The following NLGN1 variants were observed in gnomAD, a reference collection of about 807,000 sequenced individuals.
The protein encoded by NLGN1 is neuroligin-1.
Under a neutral mutation model 65.5 loss-of-function variants are expected in NLGN1, and 12 were observed. That is an observed-to-expected ratio of 0.18 (90% CI 0.12 to 0.30). The LOEUF (loss-of-function observed/expected upper bound fraction) is 0.30. NLGN1 is among the 10% of genes least tolerant of loss of function. The pLI, the probability that NLGN1 is intolerant of heterozygous loss-of-function variation, is 1.00. For synonymous variants in NLGN1, 350 were observed against 359.5 expected (o/e 0.97, Z 0.30); for missense variants, 750 against 1,007.1 (o/e 0.74, Z 3.46).
At chr3:173,562,746 A>T (rs1224863109) in intron 2 of NLGN1, among the ~76,000 whole-genome samples, 2 of 152,150 alleles carry the variant, frequency 1.3e-5, no homozygotes. Context: ...TCTGAAGTTC[A>T]ATTACTGGGT....
At chr3:173,873,270 G>C (rs1731514082) in intron 4 of NLGN1, among the ~76,000 whole-genome samples, 1 of 151,908 alleles carries the variant, frequency 6.6e-6, no homozygotes, top group Non-Finnish European at 1.5e-5. Flanking sequence ...TGTATTTTTA[G>C]TAGAGGTCGG....
intron 3 of NLGN1, among the ~76,000 whole-genome samples, chr3:173,626,650 T>C (rs954039245): frequency 3.9e-5 from 6 of 152,132 alleles, no homozygotes; most frequent in East Asian, 1.9e-4. Context: ...TAGTGTTTAC[T>C]ATATTTTTTC....
At chr3:173,521,911 A>T (rs1577085147) in intron 2 of NLGN1, among the ~76,000 whole-genome samples, 1 of 152,180 alleles carries the variant, frequency 6.6e-6, no homozygotes. Context: ...TTGTTTTTCA[A>T]TACATTCTAT....
At chr3:174,049,703 C>G (rs1447918709) in intron 4 of NLGN1, among the ~76,000 whole-genome samples, 8 of 152,052 alleles carry the variant, frequency 5.3e-5, no homozygotes, top group Non-Finnish European at 2.9e-5. Context: ...CCAAAGTAAT[C>G]TAAAGTGCTT....
chr3:173,941,640 A>T (rs1291454360), intron 4 of NLGN1, among the ~76,000 whole-genome samples: 8 of 151,998 alleles, frequency 5.3e-5, no homozygotes, highest in Admixed American at 3.9e-4. Context: ...AGATAGGTGG[A>T]TGGAGACTGA....
At chr3:173,402,987 C>T (rs923147104) in intron 1 of NLGN1, among the ~76,000 whole-genome samples, 1 of 152,062 alleles carries the variant, frequency 6.6e-6, no homozygotes, top group Non-Finnish European at 1.5e-5. Flanking sequence ...ATCTAGGGCT[C>T]CTAACAGGGA....
chr3:174,269,978 A>T (rs2152875751), intron 4 of NLGN1, among the ~76,000 whole-genome samples: 1 of 151,880 alleles, frequency 6.6e-6, no homozygotes, highest in African/African-American at 2.4e-5. Context: ...TCTTTGAAGA[A>T]ATATCTATTT....
intron 4 of NLGN1, among the ~76,000 whole-genome samples, chr3:174,060,034 C>T (rs1478535413): frequency 1.3e-5 from 2 of 152,052 alleles, no homozygotes; most frequent in Non-Finnish European, 2.9e-5. Flanking sequence ...CGTCACTTAA[C>T]TTTTCTAAGG....
intron 4 of NLGN1, among the ~76,000 whole-genome samples, chr3:174,094,412 G>C (rs1745078457): frequency 6.6e-6 from 1 of 151,668 alleles, no homozygotes; most frequent in South Asian, 2.1e-4. Flanking sequence ...AAATGGCTTT[G>C]AATGTGGCTC....
At chr3:173,519,948 GGTGGGACCTGGTAGAAT>G (rs1308660073) in intron 2 of NLGN1, among the ~76,000 whole-genome samples, 1 of 152,140 alleles carries the variant, frequency 6.6e-6, no homozygotes, top group Non-Finnish European at 1.5e-5. Flanking sequence ...AAGTGTTGGA[GGTGGGACCTGGTAGAAT>G]CATGGGACGG....
chr3:174,214,071 T>C (rs907770252), intron 4 of NLGN1, among the ~76,000 whole-genome samples: 1 of 152,158 alleles, frequency 6.6e-6, no homozygotes, highest in Non-Finnish European at 1.5e-5. Flanking sequence ...AAGGGGTTTT[T>C]TTGATGTTAC....
chr3:174,245,424 A>T (rs1377190120), intron 4 of NLGN1, among the ~76,000 whole-genome samples: 1 of 152,166 alleles, frequency 6.6e-6, no homozygotes, highest in African/African-American at 2.4e-5. Flanking sequence ...AAACTATTGG[A>T]AAAATATTTT....
chr3:173,575,359 C>A (rs1745345282), intron 2 of NLGN1, among the ~76,000 whole-genome samples: 2 of 152,248 alleles, frequency 1.3e-5, no homozygotes, highest in South Asian at 4.2e-4. Flanking sequence ...GGCACTTTTT[C>A]ATGGTGACTT....
intron 3 of NLGN1, among the ~76,000 whole-genome samples, chr3:173,804,087 G>A (rs764076284): frequency 5.3e-5 from 8 of 151,958 alleles, no homozygotes; most frequent in Non-Finnish European, 1.2e-4. Flanking sequence ...TGCTACATTG[G>A]CTTAAAATTT....
At chr3:173,489,042 C>T (rs1353433439) in intron 2 of NLGN1, among the ~76,000 whole-genome samples, 1 of 151,536 alleles carries the variant, frequency 6.6e-6, no homozygotes, top group Admixed American at 6.6e-5. Flanking sequence ...CCCCTGTTCA[C>T]TCCTTTCTCA....
intron 3 of NLGN1, among the ~76,000 whole-genome samples, chr3:173,646,604 G>A (rs1014560455): frequency 2.6e-5 from 4 of 152,100 alleles, no homozygotes; most frequent in African/African-American, 9.7e-5. Flanking sequence ...TATCTCATGT[G>A]CCCCATAAGT....
chr3:173,887,469 T>C (rs1434507385), intron 4 of NLGN1, among the ~76,000 whole-genome samples: 1 of 151,942 alleles, frequency 6.6e-6, no homozygotes, highest in Non-Finnish European at 1.5e-5. Flanking sequence ...ATCAAAAAAA[T>C]TTAAATTTTA....
At chr3:173,481,296 AT>A (rs1727237083) in intron 2 of NLGN1, among the ~76,000 whole-genome samples, 1 of 152,028 alleles carries the variant, frequency 6.6e-6, no homozygotes, top group East Asian at 1.9e-4. Flanking sequence ...TAAAATAAAA[AT>A]TATTTTCTGA....
intron 4 of NLGN1, among the ~76,000 whole-genome samples, chr3:174,147,364 C>T (rs938693936): frequency 7.3e-6 from 1 of 137,172 alleles, no homozygotes; most frequent in Admixed American, 7.7e-5. Flanking sequence ...GTTGCCAGTG[C>T]TTCTGATCTT....
Sources: gnomAD v4.1 joint callset for allele counts (sites outside exome capture counted in the v4.1 genomes callset) on GRCh38, gnomAD v4.1.1 for gene constraint, MANE v1.5 for transcripts, NCBI Gene and HGNC (gene_info 2026-07-23, HGNC 2026-07-21) for gene names.